Variants in SCO2 observed in about 807,000 individuals in gnomAD.
SCO2 encodes the protein synthesis of cytochrome C oxidase 2.
For missense variants in SCO2, 429 were observed against 348.7 expected (o/e 1.23, Z -1.83); for synonymous variants, 195 against 148.6 (o/e 1.31, Z -2.27).
At chr22:50,526,273 G>C, upstream of SCO2, 1 of 1,542,354 alleles carries the variant, frequency 6.5e-7, no homozygotes, top group Non-Finnish European at 8.7e-7. Flanking sequence ...AGCTCCTCCT[G>C]CTCCCGGGCG....
chr22:50,523,905 G>A lies in SCO2; in HGVS notation c.507C>T (p.Pro169=), dbSNP rs761546260. 3.2e-5 allele frequency: 51 copies of A among 1,613,576 alleles called. No individual in the cohort carries two copies. The highest frequency in any genetic ancestry group is 4.2e-5 in the Non-Finnish European group (49 of 1,179,944). Residue 169 remains proline, a synonymous_variant, in exon 2 of 2, where the codon CCC becomes CCT. Transcript: ENST00000395693. ...PVQPVFITVD[P]ERDDVEAMAR... is the part of the protein sequence containing the mutation. ...CCATGGCTTCAACGTCGTCCCGCTC[G>A]GGGTCCACAGTGATGAAGACAGGCT...
At chr22:50,525,816 G>A, upstream of SCO2, 1 of 1,610,328 alleles carries the variant, frequency 6.2e-7, no homozygotes, top group Non-Finnish European at 8.5e-7. Flanking sequence ...CGAGGGGGCG[G>A]CGAATGGCGC....
At chr22:50,525,818 G>C, upstream of SCO2, 1 of 1,610,338 alleles carries the variant, frequency 6.2e-7, no homozygotes, top group South Asian at 1.1e-5. Context: ...AGGGGGCGGC[G>C]AATGGCGCGC....
chr22:50,525,814 C>A (rs1394951112), upstream of SCO2: 5 of 1,610,222 alleles, frequency 3.1e-6, no homozygotes, highest in Non-Finnish European at 2.5e-6. Flanking sequence ...GGCGAGGGGG[C>A]GGCGAATGGC....
At chr22:50,525,038 A>C (rs2069279287) in intron 1 of SCO2, among the ~76,000 whole-genome samples, 1 of 152,156 alleles carries the variant, frequency 6.6e-6, no homozygotes, top group South Asian at 2.1e-4. Flanking sequence ...CCGGGCTCAC[A>C]GCCGACGCCC....
In SCO2 at chr22:50,524,157, C is replaced by T. The variant is rs1382926090; in HGVS notation, c.255G>A (p.Leu85=). 2.5e-6 allele frequency: 4 copies of T among 1,611,284 alleles called. No homozygotes were observed. The highest frequency in any genetic ancestry group is 3.4e-6 in the Non-Finnish European group (4 of 1,180,020). The change falls in exon 2 of 2, where the codon CTG becomes CTA. Residue 85 remains leucine, a synonymous_variant. Transcript: ENST00000395693. ...WLALRAEKER[L]QQQKRTEALR... ...GGGCTTCTGTTCGCTTTTGCTGCTG[C>T]AGCCTCTCCTTCTCAGCCCTCAGGG...
upstream of SCO2, chr22:50,525,800 G>A (rs752028751): frequency 1.7e-5 from 27 of 1,610,754 alleles, no homozygotes; most frequent in Middle Eastern, 1.7e-4. Flanking sequence ...CGAGCTCTGC[G>A]AAGGGCGAGG....
rs1189717451 is a variant in SCO2, at chr22:50,524,097, G to A, written c.315C>T (p.His105=). The change falls in exon 2 of 2, where the codon CAC becomes CAT. Residue 105 remains histidine (H), a synonymous_variant. Transcript: ENST00000395693. ...RQAAVGQGDF[H]LLDHRGRARC... Reference sequence around the variant, plus strand: ...GAGCCCGGCCTCTGTGATCCAGCAGGTGGAAGTCGCCCTGGCCCACAGCTG... The same window carrying A: ...GAGCCCGGCCTCTGTGATCCAGCAGATGGAAGTCGCCCTGGCCCACAGCTG... 6.2e-7 allele frequency: 1 copy of A among 1,613,112 alleles called. No individual in the cohort carries two copies. The highest frequency in any genetic ancestry group is 8.5e-7 in the Non-Finnish European group (1 of 1,180,026).
Position 50,525,587 on chromosome 22 carries a change from G to A in SCO2, c.-129C>T, listed in dbSNP as rs1460219417. 2.2e-6 allele frequency: 2 copies of A among 905,300 alleles called. No individual in the cohort carries two copies. The highest frequency in any genetic ancestry group is 3.4e-6 in the Non-Finnish European group (2 of 592,396). The allele number at this position is 905,300 out of a possible 1,614,324, so 56.1% of individuals were successfully genotyped here. A position where few individuals can be genotyped will look rare whatever the true frequency, so the allele number is the denominator to read the frequency against. On this transcript the variant is annotated 5_prime_UTR_variant, in exon 1 of 2. Coordinates refer to ENST00000395693, the MANE Select transcript of SCO2 (RefSeq NM_005138.3). ...GCGGGCGCCACACGCTCACAGGCAG[G>A]GCGCAGGCGTCCCCGGAGCTGCGCA...
chr22:50,526,423 C>T, upstream of SCO2: 1 of 1,507,478 alleles, frequency 6.6e-7, no homozygotes, highest in South Asian at 1.2e-5. Flanking sequence ...GCCACCCGGG[C>T]AGCGCCCTGG....
chr22:50,526,128 C>G, upstream of SCO2: 1 of 1,488,912 alleles, frequency 6.7e-7, no homozygotes, highest in Non-Finnish European at 8.9e-7. Flanking sequence ...GCGCCCGGAC[C>G]AGCTCCACGG....
chr22:50,525,592 A>G lies in SCO2; in HGVS notation c.-134T>C, dbSNP rs1203282315. The G allele has an allele frequency of 3.6e-5, 34 of 942,656 alleles. No homozygotes were observed. The highest frequency in any genetic ancestry group is 3.1e-5 in the Non-Finnish European group (19 of 618,240). The allele number at this position is 942,656 out of a possible 1,614,324, so 58.4% of individuals were successfully genotyped here. A position where few individuals can be genotyped will look rare whatever the true frequency, so the allele number is the denominator to read the frequency against. ...CGCCACACGCTCACAGGCAGGGCGC[A>G]GGCGTCCCCGGAGCTGCGCATGCGC... On this transcript the variant is annotated 5_prime_UTR_variant, in exon 1 of 2. Coordinates refer to ENST00000395693, the MANE Select transcript of SCO2 (RefSeq NM_005138.3).
chr22:50,524,967 C>T (rs951528464), intron 1 of SCO2, among the ~76,000 whole-genome samples: 8 of 152,134 alleles, frequency 5.3e-5, no homozygotes, highest in African/African-American at 1.7e-4. Flanking sequence ...CAGAGACGCA[C>T]GACACTTCCA....
chr22:50,526,123 C>T (rs2069356613), upstream of SCO2: 3 of 1,488,258 alleles, frequency 2.0e-6, no homozygotes, highest in African/African-American at 2.9e-5. Flanking sequence ...CGGCAGCGCC[C>T]GGACCAGCTC....
At chr22:50,524,594 T>G (rs774130346) in intron 1 of SCO2, 170 bp from the exon 2 acceptor site, 1 of 723,920 alleles carries the variant, frequency 1.4e-6, no homozygotes, top group East Asian at 2.7e-5. Flanking sequence ...CCACCAAACA[T>G]CCACACCTGG....
At position 50,523,707 on chromosome 22, in the gene SCO2, G is replaced by T. The variant is rs1322549244; in HGVS notation, c.705C>A (p.Gly235=). The change falls in exon 2 of 2, where the codon GGC becomes GGA. Residue 235 remains glycine, a synonymous_variant. Coordinates refer to ENST00000395693, the MANE Select transcript of SCO2 (RefSeq NM_005138.3). ...SIAIYLLNPD[G]LFTDYYGRSR... ...TCCGGCCGTAGTAATCCGTGAAGAG[G>T]CCGTCAGGGTTGAGCAGGTAGATGG... is the stretch of plus-strand genomic sequence containing the variant. 1.2e-6 allele frequency: 2 copies of T among 1,614,204 alleles called. No homozygotes were observed. The highest frequency in any genetic ancestry group is 3.3e-5 in the Admixed American group (2 of 60,036).
Position 50,524,252 on chromosome 22 carries a change from C to T in SCO2, c.160G>A (p.Gly54Ser). 6.2e-7 allele frequency: 1 copy of T among 1,605,620 alleles called. No homozygotes were observed. Among genetic ancestry groups the T allele is most frequent in the Admixed American group, 1.7e-5 (1 of 60,012 alleles). The part of the protein sequence containing the change: ...AETGGQGQPQ[G>S]PGLRTRLLIT... ...AGCAGCCGGGTTCGAAGCCCAGGGC[C>T]CTGGGGCTGGCCCTGCCCACCTGTC... The change falls in exon 2 of 2, where the codon GGC becomes AGC. Residue 54 changes from glycine (G) to serine (S), a missense_variant. Coordinates refer to ENST00000395693, the MANE Select transcript of SCO2 (RefSeq NM_005138.3).
chr22:50,524,837 C>G, intron 1 of SCO2: 1 of 369,592 alleles, frequency 2.7e-6, no homozygotes, highest in South Asian at 2.0e-5. Context: ...CCAACACTTT[C>G]CTGTTACCTC....
chr22:50,525,168 TCA>T (rs2069287571), intron 1 of SCO2, among the ~76,000 whole-genome samples: 1 of 152,180 alleles, frequency 6.6e-6, no homozygotes, highest in Admixed American at 6.5e-5. Context: ...TCCCGAGGAC[TCA>T]CTGCACCCCC....
Sources: gnomAD v4.1 joint callset for allele counts (sites outside exome capture counted in the v4.1 genomes callset) on GRCh38, gnomAD v4.1.1 for gene constraint, MANE v1.5 for transcripts, NCBI Gene and HGNC (gene_info 2026-07-23, HGNC 2026-07-21) for gene names.